Variants in C5orf47 observed in about 807,000 individuals in gnomAD.
The protein encoded by C5orf47 is uncharacterized protein C5orf47.
C5orf47 carries 20 observed loss-of-function variants against 20.6 expected under a neutral mutation model. That is an observed-to-expected ratio of 0.97 (90% CI 0.68 to 1.41). The LOEUF (loss-of-function observed/expected upper bound fraction) is 1.41, where lower values mean the gene tolerates loss of function less well. C5orf47 is among the 40% of genes most tolerant of loss of function. The probability of loss-of-function intolerance (pLI) is 0.00; values close to 1 mark genes in which losing one functional copy is unlikely to be tolerated. For missense variants in C5orf47, 262 were observed against 238.4 expected, an observed-to-expected ratio of 1.10 and a Z score of -0.65; for synonymous variants, 106 against 97.3, an observed-to-expected ratio of 1.09 and a Z score of -0.53.
At position 173,995,676 on chromosome 5, in the gene C5orf47, C is replaced by T. The variant is rs144804602; in HGVS notation, c.326-2477C>T. ...GCCCAGTAAATGCTGGCACATTGAA[C>T]AGAGATGACTTGAAGGGAAGATGGT... On this transcript the variant is annotated intron_variant, in intron 1 of 4. Transcript: ENST00000340147. 1.3e-3 allele frequency among the ~76,000 whole-genome samples: 198 copies of T among 152,316 alleles called. 2 individuals carry two copies. In the East Asian group the frequency reaches 0.017, roughly 13 times the overall value.
At chr5:174,000,347 C>A (rs1390987150) in intron 3 of C5orf47, among the ~76,000 whole-genome samples, 1 of 151,860 alleles carries the variant, frequency 6.6e-6, no homozygotes, top group South Asian at 2.1e-4. Flanking sequence ...GTGGTCAGAG[C>A]GAAATTAGAT....
downstream of C5orf47, among the ~76,000 whole-genome samples, chr5:174,009,003 A>G (rs1318356890): frequency 1.3e-5 from 2 of 152,176 alleles, no homozygotes; most frequent in African/African-American, 2.4e-5. Context: ...CTATCATAAA[A>G]TGGAAATAGT....
At position 173,989,634 on chromosome 5, in the gene C5orf47, G is replaced by A. The variant is rs529523383; in HGVS notation, c.325+46G>A. ...GGGACCGGGCGCGGCGGGGCGGGAC[G>A]GGGCGGAGCGGGCTCAGCTGCTGGG... On this transcript the variant is annotated intron_variant, in intron 1 of 4. Transcript: ENST00000340147. 132 of 1,337,062 alleles carry A rather than the reference G, an allele frequency of 9.9e-5. No homozygotes were observed. The African/African-American group carries it at 1.8e-3, about 18-fold the overall frequency. 82.8% of individuals were successfully genotyped at this position (1,337,062 alleles called of 1,614,324 possible). A position where few individuals can be genotyped will look rare whatever the true frequency, so the allele number is the denominator to read the frequency against.
chr5:173,992,350 C>A (rs1759014202), intron 1 of C5orf47, among the ~76,000 whole-genome samples: 1 of 151,816 alleles, frequency 6.6e-6, no homozygotes, highest in Non-Finnish European at 1.5e-5. Context: ...CAGTTCAAGG[C>A]TGCAGTGAGC....
At chr5:173,994,174 G>T (rs1179990613) in intron 1 of C5orf47, among the ~76,000 whole-genome samples, 2 of 152,198 alleles carry the variant, frequency 1.3e-5, no homozygotes, top group African/African-American at 4.8e-5. Flanking sequence ...ATGGTCTGTC[G>T]TCGTCGTGGA....
intron 1 of C5orf47, 34 bp downstream of exon 1, chr5:173,989,622 GCGGGGCGGGA>G (rs1210561729): frequency 9.4e-6 from 13 of 1,382,788 alleles, no homozygotes; most frequent in South Asian, 4.9e-5. Flanking sequence ...ACCGGGCGCG[GCGGGGCGGGA>G]CGGGGCGGAG....
At chr5:173,990,513 C>A (rs1758973633) in intron 1 of C5orf47, among the ~76,000 whole-genome samples, 1 of 152,078 alleles carries the variant, frequency 6.6e-6, no homozygotes, top group Non-Finnish European at 1.5e-5. Context: ...TGGGTCACTG[C>A]AACCTACGCT....
chr5:173,989,187 T>G lies in C5orf47; in HGVS notation c.-77T>G. 8.1e-7 allele frequency: 1 copy of G among 1,234,218 alleles called. No homozygotes were observed. The highest frequency in any genetic ancestry group is 1.0e-6 in the Non-Finnish European group (1 of 982,128). The allele number at this position is 1,234,218 out of a possible 1,614,324, so 76.5% of individuals were successfully genotyped here. On this transcript the variant is annotated 5_prime_UTR_variant, in exon 1 of 5. Transcript: ENST00000340147. ...CTGGCCCTAACCGCTCCCGCATCCC[T>G]CGCCTGCACAGTGGGCAGTCTGGCG... is the stretch of plus-strand genomic sequence containing the variant.
chr5:173,998,044 C>T (rs1020412893), intron 1 of C5orf47, 109 bp from the exon 2 acceptor site: 2 of 661,370 alleles, frequency 3.0e-6, no homozygotes, highest in African/African-American at 3.8e-5. Context: ...AATATACCAA[C>T]AAGTATAAAA....
At chr5:173,999,364 T>A (rs960631582) in intron 2 of C5orf47, among the ~76,000 whole-genome samples, 5 of 152,182 alleles carry the variant, frequency 3.3e-5, no homozygotes, top group African/African-American at 1.2e-4. Context: ...GGAATATAAA[T>A]TCACAATTTT....
chr5:173,998,517 T>C (rs993063565), intron 2 of C5orf47, among the ~76,000 whole-genome samples: 2 of 152,202 alleles, frequency 1.3e-5, no homozygotes, highest in African/African-American at 4.8e-5. Flanking sequence ...AAGCATGATA[T>C]ATGTTCCACA....
chr5:174,008,123 G>T (rs1759320939), downstream of C5orf47, among the ~76,000 whole-genome samples: 1 of 152,114 alleles, frequency 6.6e-6, no homozygotes, highest in African/African-American at 2.4e-5. Flanking sequence ...ATATTTTTAG[G>T]GTTCCAGTGG....
In C5orf47 at chr5:173,989,335, T is replaced by G; in HGVS notation, c.72T>G (p.His24Gln). The G allele has an allele frequency of 6.9e-7, 1 of 1,449,630 alleles. No individual in the cohort carries two copies. The highest frequency in any genetic ancestry group is 9.1e-7 in the Non-Finnish European group (1 of 1,095,836). 89.8% of individuals were successfully genotyped at this position (1,449,630 alleles called of 1,614,324 possible). Residue 24 changes from histidine (H) to glutamine (Q), a missense_variant, in exon 1 of 5, where the codon CAT becomes CAG. Transcript: ENST00000340147. ...TCTATGTGACGCGCTTCGGCTCGCA[T>G]CAGTGCAGTGGCGTCCTGCAACTGG... ...RFVYVTRFGS[H>Q]QCSGVLQLGG...
chr5:173,992,953 G>A (rs1759025483), intron 1 of C5orf47, among the ~76,000 whole-genome samples: 1 of 152,102 alleles, frequency 6.6e-6, no homozygotes, highest in Non-Finnish European at 1.5e-5. Flanking sequence ...TTTAAACTGA[G>A]TCTGTCCATT....
chr5:173,996,501 T>C (rs1759102529), intron 1 of C5orf47, among the ~76,000 whole-genome samples: 1 of 152,158 alleles, frequency 6.6e-6, no homozygotes, highest in Admixed American at 6.5e-5. Flanking sequence ...ATGATGCAAA[T>C]ATAGTATTCC....
At chr5:173,994,326 A>G (rs1365724737) in intron 1 of C5orf47, among the ~76,000 whole-genome samples, 3 of 152,236 alleles carry the variant, frequency 2.0e-5, no homozygotes, top group Non-Finnish European at 4.4e-5. Flanking sequence ...CTGGCAGCAG[A>G]CCACCAAACA....
At chr5:174,009,266 C>T (rs530264309), downstream of C5orf47, among the ~76,000 whole-genome samples, 39 of 152,254 alleles carry the variant, frequency 2.6e-4, no homozygotes, top group African/African-American at 7.9e-4. Context: ...ATTAAGAAAA[C>T]GGAATGATGG....
At chr5:174,006,896 T>G (rs907424794), downstream of C5orf47, among the ~76,000 whole-genome samples, 6 of 152,176 alleles carry the variant, frequency 3.9e-5, no homozygotes, top group Admixed American at 1.3e-4. Flanking sequence ...CTACTACATT[T>G]GTATGAAGCC....
chr5:173,990,998 G>A (rs1416800902), intron 1 of C5orf47, among the ~76,000 whole-genome samples: 3 of 152,136 alleles, frequency 2.0e-5, no homozygotes, highest in Non-Finnish European at 2.9e-5. Flanking sequence ...CCCTGTATCC[G>A]TTAAACATTG....
Sources: gnomAD v4.1 joint callset for allele counts (sites outside exome capture counted in the v4.1 genomes callset) on GRCh38, gnomAD v4.1.1 for gene constraint, MANE v1.5 for transcripts, NCBI Gene and HGNC (gene_info 2026-07-23, HGNC 2026-07-21) for gene names.